TENM3: variants seen among roughly 807,000 people sequenced by gnomAD.
TENM3 encodes the protein teneurin transmembrane protein 3, also known as teneurin-3.
Under a neutral mutation model 255.1 loss-of-function variants are expected in TENM3, and 63 were observed. The observed-to-expected ratio is 0.25, with a 90% CI of 0.20 to 0.30. TENM3 has a LOEUF of 0.30. Among genes scored for constraint, TENM3 ranks in the 10% least tolerant of loss-of-function variants. The probability of loss-of-function intolerance (pLI) is 1.00; values close to 1 mark genes in which losing one functional copy is unlikely to be tolerated. For missense variants in TENM3, 2,929 were observed against 3,461.1 expected, an observed-to-expected ratio of 0.85 and a Z score of 3.86; for synonymous variants, 1,306 against 1,322.3, an observed-to-expected ratio of 0.99 and a Z score of 0.27.
chr4:181,997,949 T>A, the TENM3 span, among the ~76,000 whole-genome samples: 2 of 152,244 alleles, frequency 1.3e-5, no homozygotes, highest in Non-Finnish European at 2.9e-5. Flanking sequence ...AAAAGTTATA[T>A]AAGATTTCAC....
the TENM3 span, among the ~76,000 whole-genome samples, chr4:181,501,614 G>T: frequency 6.6e-6 from 1 of 151,966 alleles, no homozygotes; most frequent in African/African-American, 2.4e-5. Context: ...TCCTGGCCTC[G>T]TAATCTGCCC....
intron 1 of TENM3, among the ~76,000 whole-genome samples, chr4:182,220,378 C>CAAAAAAAAAAAAAAA (rs60851113): frequency 1.3e-5 from 1 of 77,494 alleles, no homozygotes; most frequent in African/African-American, 5.2e-5. Flanking sequence ...CTCTGTCTCA[C>CAAAAAAAAAAAAAAA]AAAAAAAAAA....
intron 6 of TENM3, among the ~76,000 whole-genome samples, chr4:182,670,811 A>G (rs745430601): frequency 2.0e-5 from 3 of 152,266 alleles, no homozygotes; most frequent in African/African-American, 4.8e-5. Context: ...TCTTGATTAT[A>G]TACACACACC....
At chr4:182,759,923 A>G (rs921191912) in intron 22 of TENM3, among the ~76,000 whole-genome samples, 4 of 152,210 alleles carry the variant, frequency 2.6e-5, no homozygotes, top group African/African-American at 9.6e-5. Flanking sequence ...GAAGTGGCCA[A>G]TATATTTAGA....
the TENM3 span, among the ~76,000 whole-genome samples, chr4:181,701,259 C>T: frequency 3.9e-5 from 6 of 152,216 alleles, no homozygotes; most frequent in Non-Finnish European, 5.9e-5. Flanking sequence ...CACCACTTTC[C>T]TTTTCATGAA....
At chr4:182,039,418 G>T in the TENM3 span, among the ~76,000 whole-genome samples, 7 of 152,108 alleles carry the variant, frequency 4.6e-5, no homozygotes, top group African/African-American at 1.7e-4. Flanking sequence ...GCAGTTGTTT[G>T]CTGTGCCATG....
the TENM3 span, among the ~76,000 whole-genome samples, chr4:181,904,839 C>T: frequency 6.6e-6 from 1 of 152,126 alleles, no homozygotes; most frequent in Non-Finnish European, 1.5e-5. Flanking sequence ...GGAGGGACCA[C>T]GTGGGAGATG....
intron 3 of TENM3, among the ~76,000 whole-genome samples, chr4:182,408,879 G>A (rs557752381): frequency 2.4e-4 from 36 of 152,302 alleles, no homozygotes; most frequent in African/African-American, 4.3e-4. Flanking sequence ...CCTCCTTCCC[G>A]TTAAATTATC....
chr4:181,485,299 T>G, the TENM3 span, among the ~76,000 whole-genome samples: 1 of 152,158 alleles, frequency 6.6e-6, no homozygotes, highest in South Asian at 2.1e-4. Context: ...TTAACTTGTC[T>G]GTAACCTGTC....
At chr4:182,139,946 A>G (rs572824200), upstream of TENM3, among the ~76,000 whole-genome samples, 1 of 152,370 alleles carries the variant, frequency 6.6e-6, no homozygotes, top group African/African-American at 2.4e-5. Flanking sequence ...GCACATTGAG[A>G]GAGGCTTATC....
intron 4 of TENM3, among the ~76,000 whole-genome samples, chr4:182,621,750 T>TAA (rs1382746430): frequency 3.6e-5 from 1 of 27,460 alleles, no homozygotes; most frequent in Non-Finnish European, 8.5e-5. Context: ...ATATAATATA[T>TAA]TATAATATAT....
the TENM3 span, among the ~76,000 whole-genome samples, chr4:181,977,225 A>T: frequency 6.6e-6 from 1 of 152,178 alleles, no homozygotes; most frequent in Non-Finnish European, 1.5e-5. Flanking sequence ...CGTTAAAAGG[A>T]TTAGATGAAT....
the TENM3 span, among the ~76,000 whole-genome samples, chr4:181,464,246 C>T: frequency 4.6e-5 from 7 of 152,114 alleles, no homozygotes; most frequent in Non-Finnish European, 8.8e-5. Context: ...CCAAAGTAGC[C>T]GTGTTATTTT....
the TENM3 span, among the ~76,000 whole-genome samples, chr4:181,993,637 A>G: frequency 6.6e-6 from 1 of 152,188 alleles, no homozygotes; most frequent in Non-Finnish European, 1.5e-5. Flanking sequence ...CGGGAGGCAT[A>G]CAAAATAAAA....
chr4:182,314,620 C>T (rs1301342420), intron 1 of TENM3, among the ~76,000 whole-genome samples: 1 of 152,148 alleles, frequency 6.6e-6, no homozygotes, highest in Non-Finnish European at 1.5e-5. Flanking sequence ...AGTTAGAATT[C>T]TCTTTTTTCA....
At chr4:181,620,246 G>A in the TENM3 span, among the ~76,000 whole-genome samples, 2 of 150,942 alleles carry the variant, frequency 1.3e-5, no homozygotes, top group Non-Finnish European at 2.9e-5. Context: ...GGGTGACAGA[G>A]GAAAACTCTA....
At chr4:182,204,477 C>T (rs1450144) in intron 1 of TENM3, among the ~76,000 whole-genome samples, 100,200 of 152,066 alleles carry the variant, frequency 0.66, 33,653 homozygotes, top group Middle Eastern at 0.77. Flanking sequence ...GCAATAAATA[C>T]GTGATCACTT....
chr4:181,916,844 C>A, the TENM3 span, among the ~76,000 whole-genome samples: 1 of 151,960 alleles, frequency 6.6e-6, no homozygotes, highest in East Asian at 1.9e-4. Flanking sequence ...CCACTGCAAT[C>A]CAGCCTGGTG....
chr4:181,495,856 G>A, the TENM3 span, among the ~76,000 whole-genome samples: 1 of 142,526 alleles, frequency 7.0e-6, no homozygotes, highest in Non-Finnish European at 1.5e-5. Flanking sequence ...GCTAGAAAAT[G>A]CCCAGCAAAA....
Sources: gnomAD v4.1 joint callset for allele counts (sites outside exome capture counted in the v4.1 genomes callset) on GRCh38, gnomAD v4.1.1 for gene constraint, MANE v1.5 for transcripts, NCBI Gene and HGNC (gene_info 2026-07-23, HGNC 2026-07-21) for gene names.